Variants in KAZN observed in about 807,000 individuals in gnomAD.
KAZN encodes kazrin, periplakin interacting protein, also known as kazrin.
In KAZN, 40 loss-of-function variants were observed where a neutral mutation model predicts 87.4. The observed-to-expected ratio is 0.46, with a 90% confidence interval of 0.36 to 0.60. The LOEUF (loss-of-function observed/expected upper bound fraction) is 0.60, where lower values mean the gene tolerates loss of function less well. Among genes scored for constraint, KAZN ranks in the 20% least tolerant of loss-of-function variants. The pLI, the probability that KAZN is intolerant of heterozygous loss-of-function variation, is 0.00. For synonymous variants in KAZN, 466 were observed against 458.3 expected (o/e 1.02, Z -0.22); for missense variants, 898 against 1,073.9 (o/e 0.84, Z 2.29).
At chr1:14,883,367 G>GA (rs1202649752) in intron 1 of KAZN, among the ~76,000 whole-genome samples, 6 of 73,210 alleles carry the variant, frequency 8.2e-5, no homozygotes, top group Admixed American at 1.5e-4. Flanking sequence ...AAGAAAGAAA[G>GA]AAAGAAAGAA....
intron 2 of KAZN, among the ~76,000 whole-genome samples, chr1:14,559,765 G>A (rs2148525755): frequency 6.6e-6 from 1 of 152,210 alleles, no homozygotes; most frequent in Non-Finnish European, 1.5e-5. Context: ...TTCAGCTGAA[G>A]GAGTCAAAAG....
chr1:14,560,199 G>A (rs565727316), intron 2 of KAZN, among the ~76,000 whole-genome samples: 1 of 152,128 alleles, frequency 6.6e-6, no homozygotes, highest in African/African-American at 2.4e-5. Flanking sequence ...AAATCCCAAA[G>A]TATGACAATT....
intron 2 of KAZN, among the ~76,000 whole-genome samples, chr1:14,293,277 G>A (rs187656734): frequency 1.3e-5 from 2 of 152,272 alleles, no homozygotes; most frequent in South Asian, 2.1e-4. Flanking sequence ...GAGATTCTAT[G>A]TTCTAGGGCC....
chr1:14,309,263 C>G (rs745595635), intron 2 of KAZN, among the ~76,000 whole-genome samples: 5 of 152,168 alleles, frequency 3.3e-5, no homozygotes, highest in Admixed American at 2.0e-4. Flanking sequence ...ACCCATTTAT[C>G]TAAAACTTCA....
intron 2 of KAZN, among the ~76,000 whole-genome samples, chr1:14,997,858 C>G (rs1050666006): frequency 6.6e-6 from 1 of 152,210 alleles, no homozygotes; most frequent in African/African-American, 2.4e-5. Flanking sequence ...TACTTAGTTG[C>G]TGTGTGGCTT....
chr1:14,218,521 C>T (rs1479318519), intron 2 of KAZN, among the ~76,000 whole-genome samples: 1 of 152,076 alleles, frequency 6.6e-6, no homozygotes, highest in African/African-American at 2.4e-5. Flanking sequence ...AGCAAGGAAG[C>T]TAGAAAACTA....
intron 2 of KAZN, among the ~76,000 whole-genome samples, chr1:14,361,585 G>A (rs1031074929): frequency 1.3e-5 from 2 of 152,254 alleles, no homozygotes; most frequent in East Asian, 1.9e-4. Context: ...GTAGGCACCC[G>A]AGAGAATCTC....
intron 3 of KAZN, among the ~76,000 whole-genome samples, chr1:15,039,045 A>G (rs78556110): frequency 2.0e-5 from 3 of 148,346 alleles, no homozygotes; most frequent in African/African-American, 4.9e-5. Flanking sequence ...CATCTACTGT[A>G]TACAGACACG....
At chr1:14,355,679 T>C (rs1339922360) in intron 2 of KAZN, among the ~76,000 whole-genome samples, 2 of 152,074 alleles carry the variant, frequency 1.3e-5, no homozygotes, top group Non-Finnish European at 2.9e-5. Context: ...GAACATGCGG[T>C]GTTTGGTTTT....
intron 2 of KAZN, among the ~76,000 whole-genome samples, chr1:14,549,554 G>C (rs1673371973): frequency 6.6e-6 from 1 of 151,914 alleles, no homozygotes; most frequent in Non-Finnish European, 1.5e-5. Flanking sequence ...GACCAACATG[G>C]GTAATGGACC....
At chr1:13,938,016 T>C (rs1335333957) in intron 1 of KAZN, among the ~76,000 whole-genome samples, 1 of 152,250 alleles carries the variant, frequency 6.6e-6, no homozygotes, top group Non-Finnish European at 1.5e-5. Flanking sequence ...TCAGACTCTT[T>C]TTTGGTTCCA....
intron 2 of KAZN, among the ~76,000 whole-genome samples, chr1:14,338,636 C>T (rs11803759): frequency 0.1 from 15,449 of 151,948 alleles, 1,857 homozygotes; most frequent in African/African-American, 0.29. Flanking sequence ...TGCTGTATGT[C>T]GTCATGTCTC....
chr1:14,858,767 C>G (rs888516547), intron 1 of KAZN, among the ~76,000 whole-genome samples: 2 of 152,184 alleles, frequency 1.3e-5, no homozygotes, highest in Non-Finnish European at 2.9e-5. Context: ...TATTTGCACT[C>G]TTATTCCACT....
chr1:15,000,162 G>T (rs1668322100), intron 2 of KAZN, among the ~76,000 whole-genome samples: 1 of 149,164 alleles, frequency 6.7e-6, no homozygotes, highest in East Asian at 1.9e-4. Context: ...CTGGAAAAAG[G>T]TCAGAGTCAG....
At chr1:14,724,392 G>C (rs1190461860) in intron 1 of KAZN, among the ~76,000 whole-genome samples, 1 of 152,204 alleles carries the variant, frequency 6.6e-6, no homozygotes, top group Non-Finnish European at 1.5e-5. Flanking sequence ...GCTGGGATTA[G>C]AGTCCCCTTG....
intron 2 of KAZN, among the ~76,000 whole-genome samples, chr1:14,995,315 C>T (rs556413136): frequency 9.3e-4 from 141 of 152,318 alleles, no homozygotes; most frequent in African/African-American, 3.2e-3. Flanking sequence ...TTAGACCAGG[C>T]GCTCCAGGGA....
At chr1:15,103,483 G>T (rs1641162726) in intron 12 of KAZN, 23 bp downstream of exon 12, 4 of 1,502,896 alleles carry the variant, frequency 2.7e-6, no homozygotes, top group Non-Finnish European at 3.6e-6. Context: ...GCGGAGGTCG[G>T]GGTGACTCTC....
intron 1 of KAZN, among the ~76,000 whole-genome samples, chr1:14,636,246 G>A (rs1679976317): frequency 6.6e-6 from 1 of 152,188 alleles, no homozygotes. Flanking sequence ...AAGTGAGGGG[G>A]TGGGGCTAGA....
At chr1:15,074,073 C>T (rs1217627937) in intron 8 of KAZN, among the ~76,000 whole-genome samples, 1 of 152,248 alleles carries the variant, frequency 6.6e-6, no homozygotes, top group Non-Finnish European at 1.5e-5. Flanking sequence ...CAAGGACTCG[C>T]TGTGTGACCA....
Sources: allele counts gnomAD v4.1 joint callset (sites outside exome capture counted in the v4.1 genomes callset), GRCh38; gene constraint gnomAD v4.1.1; transcripts MANE v1.5; gene names NCBI Gene and HGNC (gene_info 2026-07-23, HGNC 2026-07-21).